The following DNAH6 variants were observed in gnomAD, a reference collection of about 807,000 sequenced individuals.
DNAH6 encodes the protein dynein axonemal heavy chain 6.
In DNAH6, 340 loss-of-function variants were observed where a neutral mutation model predicts 491.4. That is an observed-to-expected ratio of 0.69 (90% CI 0.63 to 0.76). DNAH6 has a LOEUF of 0.76. Ranked by LOEUF, DNAH6 falls within the 30% of genes least tolerant of loss-of-function variation. The pLI is 0.00. For synonymous variants in DNAH6, 1,603 were observed against 1,686.1 expected (o/e 0.95, Z 1.21); for missense variants, 4,443 against 4,972.2 (o/e 0.89, Z 3.20).
chr2:84,613,748 A>G (rs946405594), intron 22 of DNAH6, among the ~76,000 whole-genome samples: 21 of 152,200 alleles, frequency 1.4e-4, no homozygotes, highest in Admixed American at 1.3e-3. Flanking sequence ...TAGCCCCTCA[A>G]AAGTGGGATA....
chr2:84,658,079 C>T (rs1691146351), intron 35 of DNAH6, among the ~76,000 whole-genome samples: 1 of 151,896 alleles, frequency 6.6e-6, no homozygotes, highest in African/African-American at 2.4e-5. Context: ...AGAAATAGAA[C>T]ACCATCAACT....
In DNAH6 at chr2:84,715,257, C is replaced by G. The variant is rs147196717; in HGVS notation, c.9544-303C>G. On this transcript the variant is annotated intron_variant, in intron 57 of 76. Transcript: ENST00000389394. The stretch of plus-strand genomic sequence containing the variant: ...CTAAAGGGTGCAGCTCAAATCTGAA[C>G]CCAAGCTATCAATTCCAAAATACTG... Among the ~76,000 whole-genome samples the G allele has an allele frequency of 9.1e-4, 139 of 152,268 alleles. 1 individual carries two copies. The highest frequency in any genetic ancestry group is 3.0e-3 in the African/African-American group (124 of 41,572).
intron 61 of DNAH6, among the ~76,000 whole-genome samples, chr2:84,729,091 C>T (rs748056946): frequency 6.6e-6 from 1 of 152,180 alleles, no homozygotes; most frequent in Non-Finnish European, 1.5e-5. Flanking sequence ...TCCTTCCTCC[C>T]TGACCCCCAT....
In DNAH6 at chr2:84,697,581, G is replaced by A. The variant is rs192046214; in HGVS notation, c.7531G>A (p.Val2511Met). Reference protein sequence around the residue: ...VFLFTDTQIVVEEFLEDINNI... With the variant: ...VFLFTDTQIVMEEFLEDINNI... ...TCACTGCTTTCTTCTACAGATTGTA[G>A]TGGAGGAGTTCCTAGAAGATATAAA... Residue 2511 changes from valine to methionine, a missense_variant, in exon 47 of 77, where the codon GTG (valine) becomes ATG (methionine). Physicochemically the swap from Val to Met is conservative, Grantham distance 21 (BLOSUM62 1). Coordinates refer to ENST00000389394, the MANE Select transcript of DNAH6 (RefSeq NM_001370.2). The A allele has an allele frequency of 1.6e-4, 253 of 1,551,504 alleles. No homozygotes were observed. The highest frequency in any genetic ancestry group is 5.1e-4 in the Admixed American group (26 of 50,962).
intron 62 of DNAH6, among the ~76,000 whole-genome samples, chr2:84,742,107 AT>A (rs1379995506): frequency 6.6e-6 from 1 of 152,174 alleles, no homozygotes; most frequent in East Asian, 1.9e-4. Context: ...TCTGCTTACT[AT>A]TCTGGCTCTT....
chr2:84,694,478 C>T lies in DNAH6; in HGVS notation c.7522C>T (p.Gln2508Ter). The change falls in exon 46 of 77, where the codon CAG (glutamine) becomes TAG (stop). Residue 2508 changes from glutamine (Q) to a stop codon, truncating the protein, a stop_gained and splice_region_variant. Transcript: ENST00000389394. LOFTEE classifies it high-confidence loss of function. ...TATGGTTTTCCTTTTCACTGACACC[C>T]AGGTGTGTGTTTAAATAGCCCATGG... Reference protein sequence around the residue: ...KNMVFLFTDTQIVVEEFLEDI... With the variant: ...KNMVFLFTDT 1 of 1,550,250 alleles carries T rather than the reference C, an allele frequency of 6.5e-7. No individual in the cohort carries two copies. Among genetic ancestry groups the T allele is most frequent in the East Asian group, 2.4e-5 (1 of 40,920 alleles).
intron 14 of DNAH6, among the ~76,000 whole-genome samples, chr2:84,581,475 C>G (rs1389994348): frequency 1.3e-5 from 2 of 152,086 alleles, no homozygotes; most frequent in African/African-American, 4.8e-5. Flanking sequence ...AATTTTCATA[C>G]AAAGAGCATA....
chr2:84,681,586 C>G (rs1183308742), intron 42 of DNAH6, 58 bp downstream of exon 42: 1 of 1,397,566 alleles, frequency 7.2e-7, no homozygotes, highest in South Asian at 1.7e-5. Flanking sequence ...CCATTGGCCC[C>G]CAAATATCTC....
intron 11 of DNAH6, among the ~76,000 whole-genome samples, chr2:84,565,217 G>A (rs1681065068): frequency 6.6e-6 from 1 of 152,038 alleles, no homozygotes; most frequent in South Asian, 2.1e-4. Flanking sequence ...TCAATAGAAT[G>A]AGTTATGAAG....
chr2:84,532,563 A>G (rs1573523936), intron 4 of DNAH6, among the ~76,000 whole-genome samples: 3 of 152,296 alleles, frequency 2.0e-5, no homozygotes, highest in South Asian at 4.1e-4. Flanking sequence ...TTGCTGTTGA[A>G]GAATGTCTTC....
chr2:84,702,575 C>G (rs1401902281), intron 49 of DNAH6, among the ~76,000 whole-genome samples: 1 of 146,128 alleles, frequency 6.8e-6, no homozygotes, highest in South Asian at 2.2e-4. Context: ...TGGAGTCTCG[C>G]TCTGTCACCC....
In DNAH6 at chr2:84,547,351, C is replaced by A; in HGVS notation, c.1014C>A (p.His338Gln). Residue 338 changes from histidine to glutamine, a missense_variant, in exon 6 of 77, where the codon CAC (histidine) becomes CAA (glutamine). Coordinates refer to ENST00000389394, the MANE Select transcript of DNAH6 (RefSeq NM_001370.2). Reference sequence around the variant, plus strand: ...GACTTTGTTATATTGAAAAGTGTCACACCTACACCCTGCAGGAATTTAAGG... The same window carrying A: ...GACTTTGTTATATTGAAAAGTGTCAAACCTACACCCTGCAGGAATTTAAGG... ...FMGLCYIEKC[H>Q]TYTLQEFKAA... 6.4e-7 allele frequency: 1 copy of A among 1,551,684 alleles called. No homozygotes were observed. Among genetic ancestry groups the A allele is most frequent in the Non-Finnish European group, 8.7e-7 (1 of 1,146,920 alleles).
intron 48 of DNAH6, 138 bp from the exon 49 acceptor site, chr2:84,700,959 T>C (rs1466105183): frequency 7.1e-6 from 7 of 987,190 alleles, no homozygotes; most frequent in East Asian, 2.6e-5. Flanking sequence ...TTAAGCACCA[T>C]AGACATGAGT....
intron 19 of DNAH6, 21 bp downstream of exon 19, chr2:84,604,572 T>A: frequency 6.6e-7 from 1 of 1,513,628 alleles, no homozygotes; most frequent in Non-Finnish European, 9.0e-7. Context: ...AATATATATT[T>A]ATCTATATAC....
rs1201130153 is a variant in DNAH6, at chr2:84,727,757, C to G, written c.10061C>G (p.Ala3354Gly). 6.4e-7 allele frequency: 1 copy of G among 1,551,424 alleles called. No individual in the cohort carries two copies. The highest frequency in any genetic ancestry group is 1.2e-5 in the South Asian group (1 of 84,050). The change falls in exon 61 of 77, where the codon GCT becomes GGT. Residue 3354 changes from alanine to glycine, a missense_variant. This residue lies in a region of DNAH6 where 1,463 missense variants were observed against 1,656.6 expected (regional missense o/e 0.88). Transcript: ENST00000389394. The part of the protein sequence containing the change: ...DVLLEQTLLT[A>G]YVNVSRGLFE... Reference sequence around the variant, plus strand: ...CTACTAGAACAAACTCTCCTAACTGCTTATGTCAATGTTTCAAGAGGACTT... The same window carrying G: ...CTACTAGAACAAACTCTCCTAACTGGTTATGTCAATGTTTCAAGAGGACTT...
chr2:84,507,375 A>C, the DNAH6 span, among the ~76,000 whole-genome samples: 1 of 152,140 alleles, frequency 6.6e-6, no homozygotes, highest in East Asian at 1.9e-4. Flanking sequence ...TTTGTCTGTT[A>C]TTGGTGTATA....
chr2:84,549,742 A>T (rs1572986305), intron 8 of DNAH6, 147 bp from the exon 9 acceptor site: 2 of 612,904 alleles, frequency 3.3e-6, no homozygotes, highest in African/African-American at 3.7e-5. Flanking sequence ...TCTGGACAGT[A>T]CATTTCTGAT....
At chr2:84,602,258 T>G (rs1427525527) in intron 18 of DNAH6, among the ~76,000 whole-genome samples, 1 of 152,066 alleles carries the variant, frequency 6.6e-6, no homozygotes, top group Non-Finnish European at 1.5e-5. Context: ...ATATTTCTTA[T>G]AGAGTATGTA....
chr2:84,526,497 T>A (rs1676616575), intron 3 of DNAH6, among the ~76,000 whole-genome samples: 1 of 152,030 alleles, frequency 6.6e-6, no homozygotes, highest in Non-Finnish European at 1.5e-5. Context: ...CTTAGTTGTT[T>A]AAGGTACAAA....
Sources: allele counts gnomAD v4.1 joint callset (sites outside exome capture counted in the v4.1 genomes callset), GRCh38; gene constraint gnomAD v4.1.1; regional missense constraint gnomAD v4.1.1; transcripts MANE v1.5; gene names NCBI Gene and HGNC (gene_info 2026-07-23, HGNC 2026-07-21).